PTPRD: variants seen among roughly 807,000 people sequenced by gnomAD.
PTPRD encodes the protein protein tyrosine phosphatase receptor type D.
Under a neutral mutation model 214.5 loss-of-function variants are expected in PTPRD, and 34 were observed. The observed-to-expected ratio is 0.16, with a 90% CI of 0.12 to 0.21. The LOEUF is 0.21. Ranked by LOEUF, PTPRD falls within the 10% of genes least tolerant of loss-of-function variation. The probability of loss-of-function intolerance (pLI) is 1.00; values close to 1 mark genes in which losing one functional copy is unlikely to be tolerated. For synonymous variants in PTPRD, 1,128 were observed against 845.7 expected, an observed-to-expected ratio of 1.33 and a Z score of -5.79; for missense variants, 2,545 against 2,398.7, an observed-to-expected ratio of 1.06 and a Z score of -1.27.
At chr9:9,659,715 C>G (rs1409854335) in intron 7 of PTPRD, among the ~76,000 whole-genome samples, 2 of 151,952 alleles carry the variant, frequency 1.3e-5, no homozygotes, top group East Asian at 3.9e-4. Flanking sequence ...TTATTACTAC[C>G]AGTCATTGCT....
rs904616520 is a variant in PTPRD, at chr9:9,543,805, G to A, written c.-237+30927C>T. Among the ~76,000 whole-genome samples the A allele has an allele frequency of 8.6e-5, 13 of 151,666 alleles. No homozygotes were observed. The East Asian group carries it at 2.1e-3, about 25-fold the overall frequency. ...GTTGCACACTTGATTTTTCTAAAAG[G>A]TTATTAAAACATGAAAATAACTGCT... On this transcript the variant is annotated intron_variant, in intron 8 of 45. Transcript: ENST00000381196.
chr9:8,981,570 A>G (rs1429175689), intron 11 of PTPRD, among the ~76,000 whole-genome samples: 3 of 152,064 alleles, frequency 2.0e-5, no homozygotes, highest in East Asian at 1.9e-4. Flanking sequence ...GTGCAACTGT[A>G]TGTGGCAACC....
intron 8 of PTPRD, among the ~76,000 whole-genome samples, chr9:9,453,375 T>C (rs550192580): frequency 7.5e-4 from 114 of 151,736 alleles, no homozygotes; most frequent in Non-Finnish European, 1.2e-3. Flanking sequence ...ATTTCTGAAG[T>C]CCAAAAGGCA....
At chr9:8,707,889 G>T (rs1392996714) in intron 12 of PTPRD, among the ~76,000 whole-genome samples, 1 of 152,144 alleles carries the variant, frequency 6.6e-6, no homozygotes, top group African/African-American at 2.4e-5. Context: ...GTTGTGTATT[G>T]TCTCTCTCAG....
chr9:8,327,686 T>C (rs1195181514), intron 44 of PTPRD, among the ~76,000 whole-genome samples: 1 of 152,180 alleles, frequency 6.6e-6, no homozygotes, highest in Non-Finnish European at 1.5e-5. Context: ...TCTTTGTAGG[T>C]CTCTAAGAAC....
At chr9:9,840,113 C>T (rs552060037) in intron 5 of PTPRD, among the ~76,000 whole-genome samples, 2 of 152,098 alleles carry the variant, frequency 1.3e-5, no homozygotes, top group African/African-American at 4.8e-5. Context: ...TCTCAGCTCA[C>T]TGCAACTTCC....
intron 11 of PTPRD, among the ~76,000 whole-genome samples, chr9:8,742,268 A>C (rs1275457374): frequency 6.6e-6 from 1 of 152,166 alleles, no homozygotes; most frequent in Non-Finnish European, 1.5e-5. Context: ...TATTATGCAC[A>C]ACATGATGTT....
intron 3 of PTPRD, among the ~76,000 whole-genome samples, chr9:10,280,361 CACACA>C (rs942444102): frequency 1.5e-5 from 1 of 65,336 alleles, no homozygotes; most frequent in Non-Finnish European, 2.5e-5. Context: ...ACATAAACAC[CACACA>C]CACACACACA....
At chr9:9,174,092 T>G (rs933586198) in intron 10 of PTPRD, among the ~76,000 whole-genome samples, 5 of 152,110 alleles carry the variant, frequency 3.3e-5, no homozygotes, top group Non-Finnish European at 7.4e-5. Flanking sequence ...GAAAAAATAG[T>G]TTGAACTATA....
chr9:8,775,742 G>A (rs928029316), intron 11 of PTPRD, among the ~76,000 whole-genome samples: 1 of 152,064 alleles, frequency 6.6e-6, no homozygotes, highest in Non-Finnish European at 1.5e-5. Context: ...CCAGCACTTT[G>A]GGAGGCCAAG....
chr9:9,303,316 A>G (rs1956103506), intron 9 of PTPRD, among the ~76,000 whole-genome samples: 1 of 151,990 alleles, frequency 6.6e-6, no homozygotes, highest in African/African-American at 2.4e-5. Flanking sequence ...GGTTTCATAA[A>G]AGACATGAAA....
chr9:9,199,617 A>G (rs1593399209), intron 9 of PTPRD, among the ~76,000 whole-genome samples: 1 of 152,224 alleles, frequency 6.6e-6, no homozygotes, highest in Admixed American at 6.5e-5. Flanking sequence ...ACAGATCACC[A>G]TATTTGGAAA....
At chr9:8,825,692 A>G (rs926573366) in intron 11 of PTPRD, among the ~76,000 whole-genome samples, 1 of 152,240 alleles carries the variant, frequency 6.6e-6, no homozygotes, top group African/African-American at 2.4e-5. Flanking sequence ...TGGCTACTTT[A>G]TAGACAGAGC....
intron 39 of PTPRD, among the ~76,000 whole-genome samples, chr9:8,353,934 G>A (rs1298908002): frequency 6.4e-5 from 5 of 77,976 alleles, no homozygotes; most frequent in African/African-American, 2.9e-4. Context: ...ATATGTGTGT[G>A]TACATATATA....
At chr9:8,471,179 G>T in intron 30 of PTPRD, 94 bp from the exon 31 acceptor site, 1 of 924,654 alleles carries the variant, frequency 1.1e-6, no homozygotes, top group Non-Finnish European at 1.8e-6. Context: ...GAGGTTGAAG[G>T]CAAATTATGG....
chr9:10,551,182 T>TA, intron 2 of PTPRD, among the ~76,000 whole-genome samples: 1 of 151,706 alleles, frequency 6.6e-6, no homozygotes, highest in Non-Finnish European at 1.5e-5. Context: ...AAAGAAACCT[T>TA]AAAAAAAGTA....
At position 9,314,443 on chromosome 9, in the gene PTPRD, T is replaced by C. The variant is rs540742845; in HGVS notation, c.-203+83006A>G. On this transcript the variant is annotated intron_variant, in intron 9 of 45. Coordinates refer to ENST00000381196, the MANE Select transcript of PTPRD (RefSeq NM_002839.4). ...ACATAAATTAGTAGTAAATGTCCCA[T>C]CAAAGAATGCAGGTGATTTTTTGTT... Among the ~76,000 whole-genome samples, 7 of 152,256 alleles carry C rather than the reference T, an allele frequency of 4.6e-5. No homozygotes were observed. In the South Asian group the frequency reaches 1.2e-3, roughly 27 times the overall value.
intron 39 of PTPRD, among the ~76,000 whole-genome samples, chr9:8,345,341 G>C (rs2132768813): frequency 6.6e-6 from 1 of 152,172 alleles, no homozygotes; most frequent in Non-Finnish European, 1.5e-5. Context: ...TGCAGGTTCT[G>C]AGGTGTTAAA....
intron 10 of PTPRD, among the ~76,000 whole-genome samples, chr9:9,153,375 G>A (rs1461531028): frequency 3.3e-5 from 5 of 152,126 alleles, no homozygotes; most frequent in Non-Finnish European, 5.9e-5. Context: ...GTCTGTGTGT[G>A]CCTGAGTATA....
Sources: allele counts gnomAD v4.1 joint callset (sites outside exome capture counted in the v4.1 genomes callset), GRCh38; gene constraint gnomAD v4.1.1; transcripts MANE v1.5; gene names NCBI Gene and HGNC (gene_info 2026-07-23, HGNC 2026-07-21).